COL5A1: variants seen among roughly 807,000 people sequenced by gnomAD.
COL5A1 encodes collagen alpha-1(V) chain.
A neutral mutation model predicts 263.7 loss-of-function variants in COL5A1; 16 were observed. That is an observed-to-expected ratio of 0.06 (90% CI 0.04 to 0.09). The LOEUF (loss-of-function observed/expected upper bound fraction) is 0.09, where lower values mean the gene tolerates loss of function less well. COL5A1 is among the 10% of genes least tolerant of loss of function. The probability of loss-of-function intolerance (pLI) is 1.00; values close to 1 mark genes in which losing one functional copy is unlikely to be tolerated. For missense variants in COL5A1, 2,036 were observed against 2,540.5 expected, an observed-to-expected ratio of 0.80 and a Z score of 4.27; for synonymous variants, 1,012 against 1,004.5, an observed-to-expected ratio of 1.01 and a Z score of -0.14.
intron 1 of COL5A1, among the ~76,000 whole-genome samples, chr9:134,664,062 C>A (rs1475851256): frequency 6.6e-6 from 1 of 152,198 alleles, no homozygotes; most frequent in Admixed American, 6.5e-5. Context: ...CCCTTTAAAG[C>A]CAGGGCACTG....
At chr9:134,710,175 T>C (rs1383019499) in intron 4 of COL5A1, among the ~76,000 whole-genome samples, 2 of 152,112 alleles carry the variant, frequency 1.3e-5, no homozygotes, top group Non-Finnish European at 2.9e-5. Flanking sequence ...GTGGTGCGGA[T>C]GAAAGGAGGC....
intron 4 of COL5A1, among the ~76,000 whole-genome samples, chr9:134,705,526 C>G (rs936952952): frequency 6.6e-6 from 1 of 152,264 alleles, no homozygotes; most frequent in Non-Finnish European, 1.5e-5. Flanking sequence ...CAGGTCCCCC[C>G]AGCCTTGGAC....
rs555022941 is a variant in COL5A1 at position 134,696,170 on chromosome 9, AATT to A, written c.278-3720_278-3718del. ...CCCCACTGCCCCCTGCATTATTTGCAATTATTATTATTATTATTATTGAGACAG... is the reference window on the plus strand; with the variant it reads ...CCCCACTGCCCCCTGCATTATTTGCAATTATTATTATTATTATTGAGACAG... On this transcript the variant is annotated intron_variant, in intron 2 of 65. Transcript: ENST00000371817. The surrounding 1 kb of genome is among the most constrained non-coding windows in gnomAD (Gnocchi z 4.3). Among the ~76,000 whole-genome samples, 4 of 151,208 alleles carry A rather than the reference AATT, an allele frequency of 2.6e-5. No individual in the cohort carries two copies. The highest frequency in any genetic ancestry group is 3.9e-4 in the East Asian group (2 of 5,110).
intron 1 of COL5A1, among the ~76,000 whole-genome samples, chr9:134,659,092 G>T (rs1483729205): frequency 6.6e-6 from 1 of 152,184 alleles, no homozygotes; most frequent in African/African-American, 2.4e-5. Flanking sequence ...GCAGAGTTAG[G>T]CCTTTAAAAT....
chr9:134,698,305 C>T (rs1833554965), intron 2 of COL5A1, among the ~76,000 whole-genome samples: 1 of 152,244 alleles, frequency 6.6e-6, no homozygotes, highest in Non-Finnish European at 1.5e-5. Context: ...TGGCTTGGAG[C>T]TGGTCAACAC....
Position 134,681,426 on chromosome 9 carries a change from G to T in COL5A1, c.110-9486G>T, listed in dbSNP as rs1398943903. Among the ~76,000 whole-genome samples, 4 of 152,238 alleles carry T rather than the reference G, an allele frequency of 2.6e-5. No homozygotes were observed. The highest frequency in any genetic ancestry group is 9.6e-5 in the African/African-American group (4 of 41,466). On this transcript the variant is annotated intron_variant, in intron 1 of 65. Coordinates refer to ENST00000371817, the MANE Select transcript of COL5A1 (RefSeq NM_000093.5). The surrounding 1 kb of genome is among the most constrained non-coding windows in gnomAD (Gnocchi z 4.3). ...CCTGCCCTCCTGCAGTTCACAGCCC[G>T]TGGAGGAGACACACGCTGCCCATGG...
chr9:134,760,520 A>C (rs1253943967), intron 18 of COL5A1, among the ~76,000 whole-genome samples: 9 of 88,046 alleles, frequency 1.0e-4, no homozygotes, highest in Admixed American at 2.9e-4. Flanking sequence ...ATACACACCC[A>C]CACACCCCCA....
In COL5A1 at chr9:134,796,353, CCCCTCTCCTT is replaced by C. The variant is rs768556338; in HGVS notation, c.2800-13_2800-4del. ...AATAATAACAATCATAAGCTTTTCC[CCCCTCTCCTT>C]CCCTCTCAAGGGCAACTCCGGAGGT... On this transcript the variant is annotated splice_polypyrimidine_tract_variant and intron_variant, in intron 34 of 65. Coordinates refer to ENST00000371817, the MANE Select transcript of COL5A1 (RefSeq NM_000093.5). 9 of 1,613,370 alleles carry C rather than the reference CCCCTCTCCTT, an allele frequency of 5.6e-6. No individual in the cohort carries two copies. The African/African-American group carries it at 1.2e-4, about 22-fold the overall frequency.
intron 63 of COL5A1, 106 bp downstream of exon 63, chr9:134,826,010 C>A (rs550055286): frequency 2.9e-6 from 2 of 688,478 alleles, no homozygotes; most frequent in South Asian, 3.3e-5. Flanking sequence ...AGACTGAAAG[C>A]CAGAAATGAA....
chr9:134,707,048 C>G (rs114968783), intron 4 of COL5A1, among the ~76,000 whole-genome samples: 1 of 152,308 alleles, frequency 6.6e-6, no homozygotes, highest in African/African-American at 2.4e-5. Context: ...CAGTGAGCCA[C>G]GTCAGGGAGG....
chr9:134,718,198 G>A (rs954596103), intron 4 of COL5A1, among the ~76,000 whole-genome samples: 2 of 152,182 alleles, frequency 1.3e-5, no homozygotes, highest in African/African-American at 4.8e-5. Flanking sequence ...TCCCATCTCT[G>A]CCAGAGCCAA....
intron 1 of COL5A1, among the ~76,000 whole-genome samples, chr9:134,643,692 G>A (rs1831377184): frequency 6.6e-6 from 1 of 152,170 alleles, no homozygotes; most frequent in Non-Finnish European, 1.5e-5. Context: ...GGGGTTAGCT[G>A]AAGGTGGGGG....
intron 9 of COL5A1, 97 bp downstream of exon 9, chr9:134,732,224 C>A: frequency 8.0e-7 from 1 of 1,257,320 alleles, no homozygotes; most frequent in Non-Finnish European, 1.2e-6. Context: ...TGGGCCCCTG[C>A]ACCTGCGCGC....
intron 2 of COL5A1, among the ~76,000 whole-genome samples, chr9:134,692,030 T>C (rs1378706766): frequency 2.0e-5 from 3 of 152,208 alleles, no homozygotes; most frequent in Non-Finnish European, 4.4e-5. Flanking sequence ...ACAGACGTGC[T>C]CTCTGTACAC....
At position 134,696,647 on chromosome 9, in the gene COL5A1, T is replaced by C. The variant is rs1833479723; in HGVS notation, c.278-3262T>C. 6.6e-6 allele frequency among the ~76,000 whole-genome samples: 1 copy of C among 152,232 alleles called. No individual in the cohort carries two copies. Among genetic ancestry groups the C allele is most frequent in the Non-Finnish European group, 1.5e-5 (1 of 68,048 alleles). ...ACTGTTTATTGATCACGTGATCCACTGTAGTGAGCAATCGGTATGCTTAGT... is the reference window on the plus strand; with the variant it reads ...ACTGTTTATTGATCACGTGATCCACCGTAGTGAGCAATCGGTATGCTTAGT... On this transcript the variant is annotated intron_variant, in intron 2 of 65. Coordinates refer to ENST00000371817, the MANE Select transcript of COL5A1 (RefSeq NM_000093.5). The surrounding 1 kb of genome is among the most constrained non-coding windows in gnomAD (Gnocchi z 4.3).
intron 48 of COL5A1, 136 bp downstream of exon 48, chr9:134,812,848 C>T: frequency 1.4e-6 from 1 of 722,762 alleles, no homozygotes. Context: ...GTGTGTGTAC[C>T]TCTCTGTGTG....
intron 27 of COL5A1, among the ~76,000 whole-genome samples, chr9:134,776,724 G>A: frequency 6.6e-6 from 1 of 152,206 alleles, no homozygotes; most frequent in East Asian, 1.9e-4. Flanking sequence ...CAGTGGGGCT[G>A]CTATAACCAA....
In COL5A1 at chr9:134,841,050, G is replaced by A. The variant is rs553666127; in HGVS notation, c.5371-1107G>A. 1.3e-5 allele frequency among the ~76,000 whole-genome samples: 2 copies of A among 152,340 alleles called. No homozygotes were observed. Among genetic ancestry groups the A allele is most frequent in the East Asian group, 1.9e-4 (1 of 5,178 alleles). On this transcript the variant is annotated intron_variant, in intron 65 of 65. Coordinates refer to ENST00000371817, the MANE Select transcript of COL5A1 (RefSeq NM_000093.5). The surrounding 1 kb of genome is among the most constrained non-coding windows in gnomAD (Gnocchi z 4.8). ...GGGAGTCTGCGCTGGGCCCTCTGCAGGGCTGCATCCTGGGGTCACTGCCTC... is the reference window on the plus strand; with the variant it reads ...GGGAGTCTGCGCTGGGCCCTCTGCAAGGCTGCATCCTGGGGTCACTGCCTC...
At chr9:134,784,803 C>T (rs1196340483) in intron 29 of COL5A1, among the ~76,000 whole-genome samples, 186 bp from the exon 30 acceptor site, 1 of 152,260 alleles carries the variant, frequency 6.6e-6, no homozygotes, top group Admixed American at 6.5e-5. Flanking sequence ...ATTCGCGGTA[C>T]AATGCGCTCG....
Sources: allele counts gnomAD v4.1 joint callset (sites outside exome capture counted in the v4.1 genomes callset), GRCh38; gene constraint gnomAD v4.1.1; non-coding constraint Gnocchi (gnomAD v3.1); transcripts MANE v1.5; gene names NCBI Gene and HGNC (gene_info 2026-07-23, HGNC 2026-07-21).